CR1L: variants seen among roughly 807,000 people sequenced by gnomAD.
The protein encoded by CR1L is complement C3b/C4b receptor 1 like.
Under a neutral mutation model 62.3 loss-of-function variants are expected in CR1L, and 59 were observed. That is an observed-to-expected ratio of 0.95 (90% CI 0.77 to 1.18). CR1L has a LOEUF of 1.18. CR1L is among the 50% of genes most tolerant of loss of function. The pLI is 0.00. For missense variants in CR1L, 700 were observed against 702.8 expected (o/e 1.00, Z 0.04); for synonymous variants, 279 against 248.7 (o/e 1.12, Z -1.15).
At chr1:207,723,534 G>T (rs1451115970) in intron 11 of CR1L, 84 bp from the exon 12 acceptor site, 1 of 1,163,296 alleles carries the variant, frequency 8.6e-7, no homozygotes, top group Non-Finnish European at 1.2e-6. Flanking sequence ...TAAAAATCAG[G>T]ATAAATTGTC....
At chr1:207,686,974 G>A (rs995276629) in intron 4 of CR1L, among the ~76,000 whole-genome samples, 11 of 152,200 alleles carry the variant, frequency 7.2e-5, no homozygotes, top group Non-Finnish European at 1.6e-4. Flanking sequence ...CCACAACTAT[G>A]AGAAATAAAT....
chr1:207,669,921 G>A (rs1158322275), intron 1 of CR1L, among the ~76,000 whole-genome samples: 6 of 151,166 alleles, frequency 4.0e-5, no homozygotes, highest in Non-Finnish European at 4.4e-5. Flanking sequence ...AGCGAAACGG[G>A]ACTTGGGGAT....
intron 11 of CR1L, among the ~76,000 whole-genome samples, chr1:207,723,287 G>C (rs1345619958): frequency 6.6e-6 from 1 of 151,956 alleles, no homozygotes; most frequent in Non-Finnish European, 1.5e-5. Context: ...AAAATTAGCT[G>C]GGTGTGGTAG....
chr1:207,706,279 G>A (rs1571531772), intron 9 of CR1L, among the ~76,000 whole-genome samples: 1 of 151,600 alleles, frequency 6.6e-6, no homozygotes, highest in African/African-American at 2.4e-5. Context: ...AAATTAGCTG[G>A]GCGTGGTGGC....
chr1:207,720,877 A>G (rs1571541052), intron 11 of CR1L, among the ~76,000 whole-genome samples: 1 of 152,312 alleles, frequency 6.6e-6, no homozygotes, highest in East Asian at 1.9e-4. Context: ...CCAGTGTCCC[A>G]TTCATTAAAG....
At chr1:207,666,908 C>A (rs1371951342) in intron 1 of CR1L, among the ~76,000 whole-genome samples, 1 of 152,148 alleles carries the variant, frequency 6.6e-6, no homozygotes, top group Non-Finnish European at 1.5e-5. Flanking sequence ...TCAGATCTTC[C>A]TTTCATTAAT....
At chr1:207,681,984 C>T (rs1469460112) in intron 3 of CR1L, among the ~76,000 whole-genome samples, 4 of 124,284 alleles carry the variant, frequency 3.2e-5, no homozygotes, top group South Asian at 2.9e-4. Flanking sequence ...CATCACACTC[C>T]GGGGCCTGTT....
intron 11 of CR1L, among the ~76,000 whole-genome samples, chr1:207,722,274 A>G (rs1290084275): frequency 7.0e-5 from 8 of 114,722 alleles, no homozygotes; most frequent in Non-Finnish European, 1.5e-4. Context: ...GCCTATGCCT[A>G]TGTCCTGAAT....
intron 1 of CR1L, among the ~76,000 whole-genome samples, chr1:207,672,676 C>A (rs140415331): frequency 6.6e-6 from 1 of 152,052 alleles, no homozygotes; most frequent in Admixed American, 6.6e-5. Flanking sequence ...AAATAGTATG[C>A]TAATTAAGCT....
chr1:207,680,459 G>A (rs1663777675), intron 3 of CR1L, among the ~76,000 whole-genome samples: 1 of 152,078 alleles, frequency 6.6e-6, no homozygotes, highest in Non-Finnish European at 1.5e-5. Context: ...TTATTATTAG[G>A]GGAAAATTGA....
intron 8 of CR1L, among the ~76,000 whole-genome samples, 160 bp from the exon 9 acceptor site, chr1:207,701,359 G>A (rs17049197): frequency 0.23 from 34,763 of 152,096 alleles, 5,000 homozygotes; most frequent in Admixed American, 0.41. Context: ...GTAGGTGGCT[G>A]ATCCTGAGGC....
At chr1:207,660,587 A>G (rs1458083532) in intron 1 of CR1L, among the ~76,000 whole-genome samples, 1 of 152,188 alleles carries the variant, frequency 6.6e-6, no homozygotes, top group Non-Finnish European at 1.5e-5. Flanking sequence ...GATCTTTTCA[A>G]AAAACCAGCT....
intron 4 of CR1L, among the ~76,000 whole-genome samples, chr1:207,687,913 A>G (rs570027149): frequency 6.6e-6 from 1 of 152,124 alleles, no homozygotes; most frequent in East Asian, 1.9e-4. Context: ...TGTTGTAGTA[A>G]GTTCTACATT....
chr1:207,686,695 A>G (rs1663917083), intron 4 of CR1L, among the ~76,000 whole-genome samples: 1 of 152,180 alleles, frequency 6.6e-6, no homozygotes, highest in South Asian at 2.1e-4. Context: ...CAAATTACAC[A>G]ATTCAGTGGT....
chr1:207,648,421 G>C (rs926479315), intron 1 of CR1L, among the ~76,000 whole-genome samples: 1 of 152,116 alleles, frequency 6.6e-6, no homozygotes, highest in Admixed American at 6.6e-5. Context: ...GTAAAAATGA[G>C]AACTCACGAT....
chr1:207,671,991 A>G lies in CR1L; in HGVS notation c.98-5398A>G, dbSNP rs1053581912. Reference sequence around the variant, plus strand: ...ACAAAAAATAGAAACAGAGAACAAGAGAAGAAAGACAACAAATAGAAACAA... The same window carrying G: ...ACAAAAAATAGAAACAGAGAACAAGGGAAGAAAGACAACAAATAGAAACAA... On this transcript the variant is annotated intron_variant, in intron 1 of 11. Coordinates refer to ENST00000508064, the MANE Select transcript of CR1L (RefSeq NM_175710.2). Among the ~76,000 whole-genome samples the G allele has an allele frequency of 2.5e-4, 38 of 151,050 alleles. 1 individual carries two copies. The highest frequency in any genetic ancestry group is 8.4e-4 in the African/African-American group (34 of 40,398).
chr1:207,659,751 CAG>C (rs1314141494), intron 1 of CR1L, among the ~76,000 whole-genome samples: 1 of 152,200 alleles, frequency 6.6e-6, no homozygotes, highest in African/African-American at 2.4e-5. Flanking sequence ...CTTTCCTAGC[CAG>C]GGAAAGCTGT....
Position 207,686,082 on chromosome 1 carries a change from CCCTTCCTCCCTCCTTTCCTTCCTT to C in CR1L, c.463+2129_463+2152del, listed in dbSNP as rs771278904. Among the ~76,000 whole-genome samples the C allele has an allele frequency of 3.3e-3, 207 of 62,808 alleles. 7 individuals carry two copies. The highest frequency in any genetic ancestry group is 6.2e-3 in the South Asian group (7 of 1,134). 41.2% of individuals were successfully genotyped at this position (62,808 alleles called of 152,430 possible). Reference sequence around the variant, plus strand: ...TTGCTTGCTTCCTTCCTTTCTCCCTCCCTTCCTCCCTCCTTTCCTTCCTTCCTCCCTCCCTCCCTCCCTTCCTCC... The same window carrying C: ...TTGCTTGCTTCCTTCCTTTCTCCCTCCCTCCCTCCCTCCCTCCCTTCCTCC... On this transcript the variant is annotated intron_variant, in intron 4 of 11. Transcript: ENST00000508064.
rs1459006050 is a variant in CR1L at position 207,682,060 on chromosome 1, G to A, written c.378-1812G>A. On this transcript the variant is annotated intron_variant, in intron 3 of 11. Coordinates refer to ENST00000508064, the MANE Select transcript of CR1L (RefSeq NM_175710.2). The stretch of plus-strand genomic sequence containing the variant: ...TACCTAATGTAGGTGACCGGTTGAC[G>A]GGTGCAGCAAACCGCCATGGCACAT... 3.9e-5 allele frequency among the ~76,000 whole-genome samples: 6 copies of A among 152,034 alleles called. No individual in the cohort carries two copies. In the South Asian group the frequency reaches 8.3e-4, roughly 21 times the overall value.
Sources: gnomAD v4.1 joint callset for allele counts (sites outside exome capture counted in the v4.1 genomes callset) on GRCh38, gnomAD v4.1.1 for gene constraint, MANE v1.5 for transcripts, NCBI Gene and HGNC (gene_info 2026-07-23, HGNC 2026-07-21) for gene names.